Variants in LOC400499 observed in about 807,000 individuals in gnomAD.
At chr16:11,428,141 A>G in the LOC400499 span, among the ~76,000 whole-genome samples, 1 of 152,190 alleles carries the variant, frequency 6.6e-6, no homozygotes, top group African/African-American at 2.4e-5. Flanking sequence ...ATTATATGCT[A>G]AACTAGGGGT....
chr16:11,475,005 G>A, the LOC400499 span, among the ~76,000 whole-genome samples: 3 of 152,322 alleles, frequency 2.0e-5, no homozygotes, highest in Non-Finnish European at 2.9e-5. Context: ...AAATATTTGC[G>A]CAGCTATTCT....
the LOC400499 span, among the ~76,000 whole-genome samples, chr16:11,511,029 ACT>A: frequency 5.4e-5 from 8 of 148,476 alleles, no homozygotes; most frequent in Non-Finnish European, 1.0e-4. Context: ...AAGGGGTCTC[ACT>A]CTGTCGCCAG....
At chr16:11,516,915 G>A in the LOC400499 span, among the ~76,000 whole-genome samples, 16 of 152,130 alleles carry the variant, frequency 1.1e-4, no homozygotes, top group African/African-American at 3.6e-4. Context: ...CAAAGCTCTG[G>A]GATTACAGGC....
At chr16:11,448,922 C>G in the LOC400499 span, 1 of 1,477,604 alleles carries the variant, frequency 6.8e-7, no homozygotes, top group Non-Finnish European at 9.1e-7. Flanking sequence ...TTCTTACCCA[C>G]TCCAGGTGCC....
chr16:11,426,912 A>AG, the LOC400499 span, among the ~76,000 whole-genome samples: 9 of 145,268 alleles, frequency 6.2e-5, no homozygotes, highest in Non-Finnish European at 1.2e-4. Context: ...AAAAAAAAAA[A>AG]GGCATAAAAA....
At chr16:11,478,002 G>A in the LOC400499 span, 1 of 398,886 alleles carries the variant, frequency 2.5e-6, no homozygotes. Flanking sequence ...TGCACCTCCT[G>A]CCCCTGCAGC....
At chr16:11,418,904 G>A in the LOC400499 span, among the ~76,000 whole-genome samples, 3 of 152,350 alleles carry the variant, frequency 2.0e-5, no homozygotes, top group African/African-American at 4.8e-5. Flanking sequence ...AGTGGCTCAT[G>A]CCTGGAATCC....
chr16:11,504,562 C>CA, the LOC400499 span, among the ~76,000 whole-genome samples: 4,563 of 151,044 alleles, frequency 0.03, 201 homozygotes, highest in African/African-American at 0.1. Flanking sequence ...TCCCCCCCCC[C>CA]AAAAAAAAGA....
At chr16:11,396,763 G>A in the LOC400499 span, 1 of 1,098,338 alleles carries the variant, frequency 9.1e-7, no homozygotes, top group African/African-American at 1.6e-5. Context: ...TGCAGCAGCA[G>A]CTGCCACCTC....
the LOC400499 span, chr16:11,450,513 T>C: frequency 2.4e-6 from 3 of 1,225,338 alleles, no homozygotes; most frequent in East Asian, 5.1e-5. Flanking sequence ...TGAGCTGCTA[T>C]CTGCCCACAG....
At chr16:11,516,679 T>G in the LOC400499 span, among the ~76,000 whole-genome samples, 1 of 152,218 alleles carries the variant, frequency 6.6e-6, no homozygotes, top group Non-Finnish European at 1.5e-5. Flanking sequence ...AATATTGCCT[T>G]TTTTGTGGAC....
At chr16:11,387,938 A>G in the LOC400499 span, among the ~76,000 whole-genome samples, 1 of 152,092 alleles carries the variant, frequency 6.6e-6, no homozygotes, top group Non-Finnish European at 1.5e-5. Context: ...GGTCTAGAAA[A>G]TTTCTACAGT....
At chr16:11,372,333 C>G in the LOC400499 span, 1 of 152,272 alleles carries the variant, frequency 6.6e-6, no homozygotes, top group African/African-American at 2.4e-5. Context: ...GGCTTCGTGT[C>G]CCCCACCACG....
the LOC400499 span, among the ~76,000 whole-genome samples, chr16:11,482,463 C>T: frequency 1.4e-4 from 21 of 152,338 alleles, no homozygotes; most frequent in African/African-American, 4.8e-4. Flanking sequence ...AAAGCTCTAT[C>T]AGCCAAAGAA....
chr16:11,527,354 C>G, the LOC400499 span, among the ~76,000 whole-genome samples: 2 of 151,964 alleles, frequency 1.3e-5, no homozygotes, highest in Non-Finnish European at 2.9e-5. Context: ...TCAGAAGCCT[C>G]CAATAAAGTT....
chr16:11,454,052 G>C, the LOC400499 span, among the ~76,000 whole-genome samples: 7 of 152,140 alleles, frequency 4.6e-5, no homozygotes, highest in Non-Finnish European at 1.0e-4. Context: ...CTCATAATGA[G>C]ATTTACCACC....
chr16:11,493,810 G>A, the LOC400499 span: 1 of 363,498 alleles, frequency 2.8e-6, no homozygotes, highest in Non-Finnish European at 4.7e-6. Flanking sequence ...AATCGAGATG[G>A]AGGTAGGACC....
At chr16:11,496,912 GTGTGTGTGTGTGTGT>G in the LOC400499 span, among the ~76,000 whole-genome samples, 2 of 151,680 alleles carry the variant, frequency 1.3e-5, no homozygotes, top group African/African-American at 4.8e-5. Flanking sequence ...GTGTGTGTGT[GTGTGTGTGTGTGTGT>G]GTGTGTCTTG....
the LOC400499 span, among the ~76,000 whole-genome samples, chr16:11,383,158 T>C: frequency 4.2e-3 from 636 of 151,712 alleles, 2 homozygotes; most frequent in African/African-American, 0.015. Context: ...CTCTGCCTCC[T>C]GGGTTCACGC....
Sources: allele counts gnomAD v4.1 joint callset (sites outside exome capture counted in the v4.1 genomes callset), GRCh38; gene constraint gnomAD v4.1.1; transcripts MANE v1.5.